Variants in CREB5 observed in about 807,000 individuals in gnomAD.
The protein encoded by CREB5 is cAMP responsive element binding protein 5, also known as cyclic AMP-responsive element-binding protein 5.
In CREB5, 19 loss-of-function variants were observed where a neutral mutation model predicts 57.1. The observed-to-expected ratio is 0.33, with a 90% CI of 0.23 to 0.49. CREB5 has a LOEUF of 0.49. Ranked by LOEUF, CREB5 falls within the 20% of genes least tolerant of loss-of-function variation. CREB5 has a pLI of 0.99. For synonymous variants in CREB5, 238 were observed against 238.3 expected (o/e 1.00, Z 0.01); for missense variants, 579 against 671.6 (o/e 0.86, Z 1.52).
At chr7:28,573,806 G>A (rs1380865589) in intron 5 of CREB5, among the ~76,000 whole-genome samples, 1 of 152,132 alleles carries the variant, frequency 6.6e-6, no homozygotes, top group Non-Finnish European at 1.5e-5. Context: ...TTTTGAACAG[G>A]CACTGAGCCA....
At chr7:28,303,491 A>G (rs1437998807) in intron 1 of CREB5, among the ~76,000 whole-genome samples, 1 of 152,252 alleles carries the variant, frequency 6.6e-6, no homozygotes, top group African/African-American at 2.4e-5. Flanking sequence ...TAATGTAGAG[A>G]GGCTCTTACC....
intron 5 of CREB5, among the ~76,000 whole-genome samples, chr7:28,707,039 A>G (rs907030862): frequency 3.3e-5 from 5 of 152,042 alleles, no homozygotes; most frequent in Non-Finnish European, 5.9e-5. Context: ...AGAGACTGGT[A>G]CCTGCTGTAA....
intron 5 of CREB5, chr7:28,685,948 A>G: frequency 1.8e-6 from 1 of 543,904 alleles, no homozygotes. Context: ...TGAGCTAAAA[A>G]GGAGAAGGGG....
At chr7:28,537,084 G>A (rs560567627) in intron 4 of CREB5, among the ~76,000 whole-genome samples, 4 of 152,306 alleles carry the variant, frequency 2.6e-5, no homozygotes, top group Non-Finnish European at 5.9e-5. Flanking sequence ...GGGAGGATTG[G>A]CTCCATTTTT....
chr7:28,354,051 G>A (rs1786291545), intron 1 of CREB5, among the ~76,000 whole-genome samples: 1 of 152,144 alleles, frequency 6.6e-6, no homozygotes, highest in Non-Finnish European at 1.5e-5. Context: ...GCAGAAGAGG[G>A]ACTTGATCAG....
At position 28,526,149 on chromosome 7, in the gene CREB5, C is replaced by A. The variant is rs796132681; in HGVS notation, c.291+18412C>A. On this transcript the variant is annotated intron_variant, in intron 4 of 10. Transcript: ENST00000357727. ...CCCAGAGACTAAAACCTTCCAAAAG[C>A]CTTAGTCAAAACTCAGAGGTGGGTT... 7.2e-5 allele frequency among the ~76,000 whole-genome samples: 11 copies of A among 152,256 alleles called. 1 individual carries two copies. Among genetic ancestry groups the A allele is most frequent in the African/African-American group, 2.4e-4 (10 of 41,530 alleles).
intron 4 of CREB5, among the ~76,000 whole-genome samples, chr7:28,523,380 C>G (rs369903536): frequency 1.3e-5 from 2 of 152,174 alleles, no homozygotes; most frequent in African/African-American, 4.8e-5. Flanking sequence ...AATCGAAAAA[C>G]GTTTATTGAG....
intron 1 of CREB5, chr7:28,435,638 T>C: frequency 1.0e-6 from 1 of 985,366 alleles, no homozygotes; most frequent in Non-Finnish European, 1.2e-6. Context: ...GTCAATTTAT[T>C]TCTGAAACGA....
chr7:28,550,850 C>T (rs769739797), intron 4 of CREB5, among the ~76,000 whole-genome samples: 1 of 152,148 alleles, frequency 6.6e-6, no homozygotes, highest in Non-Finnish European at 1.5e-5. Flanking sequence ...AGCCAGGGGC[C>T]GTTAAGATTT....
intron 5 of CREB5, among the ~76,000 whole-genome samples, chr7:28,697,681 A>G (rs17157048): frequency 2.0e-5 from 3 of 152,074 alleles, no homozygotes; most frequent in African/African-American, 7.2e-5. Context: ...CGCAATTGGG[A>G]ATCTCCAGAA....
intron 5 of CREB5, among the ~76,000 whole-genome samples, chr7:28,592,777 G>A (rs1370235312): frequency 6.6e-6 from 1 of 152,158 alleles, no homozygotes; most frequent in Non-Finnish European, 1.5e-5. Flanking sequence ...CAGTTGATGT[G>A]TTCTATGTGC....
intron 7 of CREB5, among the ~76,000 whole-genome samples, chr7:28,779,759 C>T (rs1806864721): frequency 6.6e-6 from 1 of 152,206 alleles, no homozygotes; most frequent in African/African-American, 2.4e-5. Flanking sequence ...CCTCTCAAAC[C>T]CGTCCATATA....
intron 5 of CREB5, among the ~76,000 whole-genome samples, chr7:28,597,214 T>C (rs1411279796): frequency 6.6e-6 from 1 of 152,130 alleles, no homozygotes; most frequent in Non-Finnish European, 1.5e-5. Context: ...TGGATAAAAA[T>C]GTGAGTTGCA....
intron 7 of CREB5, among the ~76,000 whole-genome samples, chr7:28,779,602 T>G (rs1429676447): frequency 6.6e-6 from 1 of 151,532 alleles, no homozygotes; most frequent in Admixed American, 6.5e-5. Context: ...AAGGTAGACT[T>G]AGATAGGTAA....
At chr7:28,673,305 C>A (rs900332235) in intron 5 of CREB5, among the ~76,000 whole-genome samples, 1 of 152,156 alleles carries the variant, frequency 6.6e-6, no homozygotes, top group Non-Finnish European at 1.5e-5. Context: ...TAAAACCTGT[C>A]CCAGGATACC....
At chr7:28,536,482 C>A (rs1428479842) in intron 4 of CREB5, among the ~76,000 whole-genome samples, 1 of 152,162 alleles carries the variant, frequency 6.6e-6, no homozygotes, top group Non-Finnish European at 1.5e-5. Context: ...TGTTTTCAAG[C>A]CTGACCCAGC....
chr7:28,359,435 T>C lies in CREB5; in HGVS notation c.-25+59994T>C, dbSNP rs536039681. Among the ~76,000 whole-genome samples, 7 of 152,320 alleles carry C rather than the reference T, an allele frequency of 4.6e-5. No homozygotes were observed. In the South Asian group the frequency reaches 6.2e-4, roughly 14 times the overall value. Reference sequence around the variant, plus strand: ...AATCCGTGCATTTACGGCCAATTGATTTTTGACAAAGATACCAAGAACACA... The same window carrying C: ...AATCCGTGCATTTACGGCCAATTGACTTTTGACAAAGATACCAAGAACACA... On this transcript the variant is annotated intron_variant, in intron 1 of 9. Coordinates refer to the CREB5 transcript ENST00000396299.
intron 7 of CREB5, among the ~76,000 whole-genome samples, chr7:28,790,102 T>C (rs182768567): frequency 2.4e-4 from 36 of 152,344 alleles, no homozygotes; most frequent in South Asian, 1.7e-3. Context: ...TAGGGAAACA[T>C]TTGGGGTTGG....
At chr7:28,330,392 A>G (rs1352214057) in intron 1 of CREB5, among the ~76,000 whole-genome samples, 1 of 143,110 alleles carries the variant, frequency 7.0e-6, no homozygotes, top group Non-Finnish European at 1.5e-5. Flanking sequence ...TTGTGCTAAG[A>G]GAACCTTACT....
Sources: allele counts gnomAD v4.1 joint callset (sites outside exome capture counted in the v4.1 genomes callset), GRCh38; gene constraint gnomAD v4.1.1; transcripts MANE v1.5; gene names NCBI Gene and HGNC (gene_info 2026-07-23, HGNC 2026-07-21).